Variants in MAN1A2 observed in about 807,000 individuals in gnomAD.
MAN1A2 encodes the protein mannosidase alpha class 1A member 2.
Under a neutral mutation model 75.7 loss-of-function variants are expected in MAN1A2, and 26 were observed. The observed-to-expected ratio is 0.34, with a 90% CI of 0.25 to 0.48. MAN1A2 has a LOEUF of 0.48. MAN1A2 is among the 20% of genes least tolerant of loss of function. MAN1A2 has a pLI of 0.99. For missense variants in MAN1A2, 562 were observed against 775.5 expected (o/e 0.72, Z 3.27); for synonymous variants, 247 against 264.6 (o/e 0.93, Z 0.65).
intron 6 of MAN1A2, among the ~76,000 whole-genome samples, chr1:117,445,936 A>T (rs1174231084): frequency 6.8e-6 from 1 of 146,780 alleles, no homozygotes; most frequent in Non-Finnish European, 1.5e-5. Flanking sequence ...ATATAAAAGA[A>T]AATTTATATA....
chr1:117,405,483 T>G, intron 2 of MAN1A2, 66 bp from the exon 3 acceptor site: 1 of 958,780 alleles, frequency 1.0e-6, no homozygotes, highest in Admixed American at 1.7e-5. Context: ...AACCCAAAAT[T>G]GTATGAAATA....
At chr1:117,460,250 G>A (rs1181318879) in intron 6 of MAN1A2, among the ~76,000 whole-genome samples, 1 of 152,056 alleles carries the variant, frequency 6.6e-6, no homozygotes, top group East Asian at 1.9e-4. Flanking sequence ...AGCCTGATGA[G>A]GTGAATGGAG....
intron 8 of MAN1A2, among the ~76,000 whole-genome samples, chr1:117,475,238 C>T (rs897045766): frequency 2.0e-5 from 3 of 151,954 alleles, no homozygotes; most frequent in Non-Finnish European, 2.9e-5. Context: ...TTTTAAGGAA[C>T]TACCAAGTTG....
intron 5 of MAN1A2, among the ~76,000 whole-genome samples, chr1:117,425,603 A>G (rs1648339344): frequency 6.6e-6 from 1 of 152,212 alleles, no homozygotes; most frequent in African/African-American, 2.4e-5. Context: ...AAAACATCAT[A>G]TAATCTTATT....
intron 3 of MAN1A2, among the ~76,000 whole-genome samples, chr1:117,410,165 G>T (rs544989046): frequency 7.3e-5 from 11 of 151,562 alleles, no homozygotes; most frequent in Admixed American, 3.3e-4. Context: ...AATATTTTCC[G>T]TCTACCGTTG....
At chr1:117,464,535 G>T (rs1649926334) in intron 7 of MAN1A2, among the ~76,000 whole-genome samples, 1 of 152,052 alleles carries the variant, frequency 6.6e-6, no homozygotes, top group Admixed American at 6.6e-5. Context: ...TACAAAGCCA[G>T]TAGAGCACAA....
At chr1:117,447,742 A>AT (rs879396246) in intron 6 of MAN1A2, among the ~76,000 whole-genome samples, 4 of 151,968 alleles carry the variant, frequency 2.6e-5, no homozygotes, top group Non-Finnish European at 5.9e-5. Flanking sequence ...TTTATTGGCT[A>AT]TTTTTTAAAA....
At chr1:117,485,558 C>A (rs1245066468) in intron 8 of MAN1A2, among the ~76,000 whole-genome samples, 1 of 151,820 alleles carries the variant, frequency 6.6e-6, no homozygotes, top group Non-Finnish European at 1.5e-5. Context: ...GATGGAATCC[C>A]AGAGAGATTT....
chr1:117,368,426 T>TA lies in MAN1A2; in HGVS notation c.246dup (p.Gly83ArgfsTer3). ...TGTTAATTCCACATGTAGATGCCGG[T>TA]AAAGGGGCTAAAAACCCCGGAGTCT... On this transcript the variant is annotated frameshift_variant, in exon 1 of 13. Transcript: ENST00000356554. LOFTEE classifies it high-confidence loss of function. 1 of 1,613,990 alleles carries TA rather than the reference T, an allele frequency of 6.2e-7. No homozygotes were observed. Among genetic ancestry groups the TA allele is most frequent in the Non-Finnish European group, 8.5e-7 (1 of 1,179,996 alleles).
At position 117,526,720 on chromosome 1, in the gene MAN1A2, T is replaced by C. The variant is rs1272228223; in HGVS notation, c.*3763T>C. 1 of 151,080 alleles carries C rather than the reference T, an allele frequency of 6.6e-6. No homozygotes were observed. The highest frequency in any genetic ancestry group is 1.5e-5 in the Non-Finnish European group (1 of 67,530). 9.4% of individuals were successfully genotyped at this position (151,080 alleles called of 1,614,324 possible). A position where few individuals can be genotyped will look rare whatever the true frequency, so the allele number is the denominator to read the frequency against. ...GGCCCTATTAATAGTCCCATGCTGTTAAATATAAAGAAAAATATACTAAAA... is the reference window on the plus strand; with the variant it reads ...GGCCCTATTAATAGTCCCATGCTGTCAAATATAAAGAAAAATATACTAAAA... On this transcript the variant is annotated 3_prime_UTR_variant, in exon 13 of 13. Transcript: ENST00000356554.
intron 8 of MAN1A2, among the ~76,000 whole-genome samples, chr1:117,490,322 C>G (rs1650841061): frequency 6.6e-6 from 1 of 151,752 alleles, no homozygotes; most frequent in Non-Finnish European, 1.5e-5. Context: ...GTAATTCTTG[C>G]AATATTTCAA....
intron 8 of MAN1A2, among the ~76,000 whole-genome samples, chr1:117,482,987 T>C (rs1363209883): frequency 3.9e-5 from 6 of 152,150 alleles, no homozygotes; most frequent in Non-Finnish European, 8.8e-5. Flanking sequence ...CACCATTTAT[T>C]AAATAGGGAA....
intron 1 of MAN1A2, among the ~76,000 whole-genome samples, chr1:117,400,249 C>A (rs928444171): frequency 2.0e-5 from 3 of 151,736 alleles, no homozygotes; most frequent in Non-Finnish European, 2.9e-5. Flanking sequence ...TGTTACTGAC[C>A]GTCTAGCCTA....
At chr1:117,427,245 C>T (rs1467026910) in intron 5 of MAN1A2, among the ~76,000 whole-genome samples, 2 of 152,008 alleles carry the variant, frequency 1.3e-5, no homozygotes, top group Admixed American at 6.5e-5. Flanking sequence ...GTTAAAGCAG[C>T]TGTTATAACT....
In MAN1A2 at chr1:117,442,215, A is replaced by G; in HGVS notation, c.856-16A>G. The stretch of plus-strand genomic sequence containing the variant: ...TAATGGCTATAATTTATGAATATTC[A>G]TGTTTTAAATCTCAGATATTCAAGA... On this transcript the variant is annotated splice_polypyrimidine_tract_variant and intron_variant, in intron 5 of 12. Transcript: ENST00000356554. The G allele has an allele frequency of 1.3e-6, 2 of 1,483,314 alleles. No individual in the cohort carries two copies. The highest frequency in any genetic ancestry group is 1.4e-5 in the African/African-American group (1 of 72,498). The allele number at this position is 1,483,314 out of a possible 1,614,324, so 91.9% of individuals were successfully genotyped here.
chr1:117,498,836 G>A (rs1651111038), intron 10 of MAN1A2, among the ~76,000 whole-genome samples: 1 of 151,330 alleles, frequency 6.6e-6, no homozygotes, highest in Admixed American at 6.6e-5. Context: ...ATAATTTTTG[G>A]CCACCATATT....
At chr1:117,455,124 A>G (rs2101828937) in intron 6 of MAN1A2, among the ~76,000 whole-genome samples, 1 of 152,292 alleles carries the variant, frequency 6.6e-6, no homozygotes, top group African/African-American at 2.4e-5. Flanking sequence ...CATCAATAGG[A>G]TATAGGTAAA....
intron 5 of MAN1A2, among the ~76,000 whole-genome samples, chr1:117,438,317 GAA>G (rs1384108042): frequency 2.0e-5 from 3 of 149,738 alleles, no homozygotes; most frequent in East Asian, 1.9e-4. Flanking sequence ...TATAAGGAAA[GAA>G]AATCTTTTTG....
At chr1:117,397,544 G>A (rs1027158526) in intron 1 of MAN1A2, among the ~76,000 whole-genome samples, 1 of 151,726 alleles carries the variant, frequency 6.6e-6, no homozygotes, top group Admixed American at 6.6e-5. Flanking sequence ...TTATTAAGGG[G>A]TCTCACCATA....
Sources: allele counts gnomAD v4.1 joint callset (sites outside exome capture counted in the v4.1 genomes callset), GRCh38; gene constraint gnomAD v4.1.1; transcripts MANE v1.5; gene names NCBI Gene and HGNC (gene_info 2026-07-23, HGNC 2026-07-21).